The following CDHR4 variants were observed in gnomAD, a reference collection of about 807,000 sequenced individuals.
CDHR4 encodes cadherin-related family member 4.
In CDHR4, 89 loss-of-function variants were observed where a neutral mutation model predicts 88.4. That is an observed-to-expected ratio of 1.01 (90% confidence interval 0.85 to 1.20). CDHR4 has a LOEUF of 1.20. Ranked by LOEUF, CDHR4 falls within the 50% of genes most tolerant of loss-of-function variation. CDHR4 has a pLI of 0.00. For missense variants in CDHR4, 914 were observed against 1,007.2 expected (o/e 0.91, Z 1.25); for synonymous variants, 368 against 399.2 (o/e 0.92, Z 0.93).
upstream of CDHR4, among the ~76,000 whole-genome samples, chr3:49,802,283 C>T (rs915077961): frequency 6.6e-6 from 1 of 152,170 alleles, no homozygotes; most frequent in African/African-American, 2.4e-5. Flanking sequence ...ACGCCATTCT[C>T]CTGCCTCAGC....
At chr3:49,792,065 G>T in intron 15 of CDHR4, 106 bp from the exon 16 acceptor site, 1 of 1,111,368 alleles carries the variant, frequency 9.0e-7, no homozygotes, top group Non-Finnish European at 1.3e-6. Flanking sequence ...ACCAATGTCT[G>T]TATGCAGTGC....
intron 9 of CDHR4, 52 bp from the exon 10 acceptor site, chr3:49,794,753 G>T: frequency 1.3e-6 from 2 of 1,496,388 alleles, no homozygotes; most frequent in Non-Finnish European, 1.8e-6. Flanking sequence ...AGAGAGCCCT[G>T]AGCCACACGG....
chr3:49,798,964 C>T (rs1392430895), intron 3 of CDHR4, 30 bp downstream of exon 3: 1 of 1,610,922 alleles, frequency 6.2e-7, no homozygotes, highest in African/African-American at 1.3e-5. Context: ...CCATGCCTGC[C>T]CCCACCCTGC....
At position 49,791,757 on chromosome 3, in the gene CDHR4, G is replaced by A. The variant is rs1181131341; in HGVS notation, c.2240C>T (p.Pro747Leu). 1.1e-5 allele frequency: 17 copies of A among 1,551,528 alleles called. No individual in the cohort carries two copies. Among genetic ancestry groups the A allele is most frequent in the African/African-American group, 2.7e-5 (2 of 73,028 alleles). Residue 747 changes from proline (P) to leucine (L), a missense_variant, in exon 17 of 19, where the codon CCG (proline) becomes CTG (leucine). By Grantham distance (98) the Pro-to-Leu change is moderately conservative. Coordinates refer to ENST00000412678, the MANE Select transcript of CDHR4 (RefSeq NM_001007540.4). ...EGSIEGFLEA[P>L]KMEMSQAPSS... ...GGGTGCCTGGGACATCTCCATCTTC[G>A]GTGCCTCCAGGAAACCCTCGATGGA... is the stretch of plus-strand genomic sequence containing the variant.
rs1269993338 is a variant in CDHR4 at position 49,799,140 on chromosome 3, G to A, written c.257C>T (p.Ser86Phe). ...CACCATCAGGGCATCCAACTGAGCA[G>A]AGCTGCTCAAGGTCAACTGGGGTGG... ...TYVGKLTLSS[S>F]AQLDALMVNH... Residue 86 changes from serine (S) to phenylalanine (F), a missense_variant, in exon 3 of 19, where the codon TCT becomes TTT. Ser to Phe is a radical substitution (Grantham distance 155). Coordinates refer to ENST00000412678, the MANE Select transcript of CDHR4 (RefSeq NM_001007540.4). 2.5e-6 allele frequency: 4 copies of A among 1,578,194 alleles called. No homozygotes were observed. In the African/African-American group the frequency reaches 5.4e-5, roughly 21 times the overall value.
At position 49,795,217 on chromosome 3, in the gene CDHR4, C is replaced by T. The variant is rs777854933; in HGVS notation, c.1010G>A (p.Arg337His). 6.0e-5 allele frequency: 93 copies of T among 1,551,508 alleles called. No homozygotes were observed. In the Middle Eastern group the frequency reaches 6.7e-4, roughly 11 times the overall value. Residue 337 changes from arginine to histidine, a missense_variant, in exon 8 of 19, where the codon CGC becomes CAC. Coordinates refer to ENST00000412678, the MANE Select transcript of CDHR4 (RefSeq NM_001007540.4). The surrounding 1 kb of genome is among the most constrained non-coding windows in gnomAD (Gnocchi z 5.4). ...TCACACCAGAAGCGCTGGGAGGCAG[C>T]GTGGAGGCCAGAGGTTGACCAGCTG... ...NVQLVNLWPP[R>H]CLPALLVSQI...
chr3:49,795,836 G>C lies in CDHR4; in HGVS notation c.711-72C>G. On this transcript the variant is annotated intron_variant, in intron 6 of 18. Transcript: ENST00000412678. The surrounding 1 kb of genome is among the most constrained non-coding windows in gnomAD (Gnocchi z 5.4). Reference sequence around the variant, plus strand: ...TGTGGGTCCACAGCTTCCTTCCCTGGGCCCCCTCCTGTCAGGGCTGGGACT... The same window carrying C: ...TGTGGGTCCACAGCTTCCTTCCCTGCGCCCCCTCCTGTCAGGGCTGGGACT... The C allele has an allele frequency of 6.5e-7, 1 of 1,537,278 alleles. No individual in the cohort carries two copies. Among genetic ancestry groups the C allele is most frequent in the Non-Finnish European group, 8.8e-7 (1 of 1,138,206 alleles).
At chr3:49,791,296 G>A in intron 18 of CDHR4, 145 bp downstream of exon 18, 1 of 868,914 alleles carries the variant, frequency 1.2e-6, no homozygotes, top group East Asian at 2.7e-5. Flanking sequence ...GCGGGGATGA[G>A]AGCAGACCCC....
At chr3:49,799,674 C>T in intron 1 of CDHR4, 90 bp downstream of exon 1, 1 of 1,415,164 alleles carries the variant, frequency 7.1e-7, no homozygotes, top group Non-Finnish European at 9.9e-7. Flanking sequence ...TCCTACCTCT[C>T]CCCCAATCCC....
chr3:49,791,447 C>T lies in CDHR4; in HGVS notation c.2305G>A (p.Asp769Asn), dbSNP rs1020309463. The T allele has an allele frequency of 9.7e-6, 15 of 1,546,620 alleles. No homozygotes were observed. Among genetic ancestry groups the T allele is most frequent in the Admixed American group, 2.0e-5 (1 of 49,646 alleles). Residue 769 changes from aspartate to asparagine, a missense_variant, in exon 18 of 19, where the codon GAC becomes AAC. By Grantham distance (23) the Asp-to-Asn change is conservative (BLOSUM62 1). Coordinates refer to ENST00000412678, the MANE Select transcript of CDHR4 (RefSeq NM_001007540.4). ...MSLHFDGRAQ[D>N]SRTGRDYLFN... Reference sequence around the variant, plus strand: ...TAGGAAGAGGGGGACTCACGGGAGTCCTGTGCTCTGCCATCAAAATGCTGC... The same window carrying T: ...TAGGAAGAGGGGGACTCACGGGAGTTCTGTGCTCTGCCATCAAAATGCTGC...
In CDHR4 at chr3:49,793,282, C is replaced by T. The variant is rs1559724303; in HGVS notation, c.1653G>A (p.Glu551=). ...EDVNDHAPEC[E]PPFQELTIYA... ...AGATGGTGAGTTCCTGAAATGGGGGCTCACACTCGGGGGCATGGTCATTCA... is the reference window on the plus strand; with the variant it reads ...AGATGGTGAGTTCCTGAAATGGGGGTTCACACTCGGGGGCATGGTCATTCA... Residue 551 remains glutamate, a synonymous_variant, in exon 13 of 19, where the codon GAG becomes GAA. Coordinates refer to ENST00000412678, the MANE Select transcript of CDHR4 (RefSeq NM_001007540.4). 6.4e-7 allele frequency: 1 copy of T among 1,551,482 alleles called. No individual in the cohort carries two copies. The highest frequency in any genetic ancestry group is 8.7e-7 in the Non-Finnish European group (1 of 1,146,992).
upstream of CDHR4, among the ~76,000 whole-genome samples, chr3:49,800,936 C>T (rs1055104507): frequency 1.8e-4 from 28 of 151,380 alleles, no homozygotes; most frequent in Non-Finnish European, 3.7e-4. Flanking sequence ...CCTGTAGTCC[C>T]AGTTACTTGA....
Position 49,795,201 on chromosome 3 carries a change from A to T in CDHR4, c.1026T>A (p.Leu342=). Residue 342 remains leucine (L), a synonymous_variant, in exon 8 of 19, where the codon CTT becomes CTA. Transcript: ENST00000412678. The surrounding 1 kb of genome is among the most constrained non-coding windows in gnomAD (Gnocchi z 5.4). The part of the protein sequence containing the change: ...NLWPPRCLPA[L]LVSQIPETAP... ...TATGGTTCCCGGGTACTCACACCAG[A>T]AGCGCTGGGAGGCAGCGTGGAGGCC... The T allele has an allele frequency of 1.3e-6, 2 of 1,551,672 alleles. No individual in the cohort carries two copies. The highest frequency in any genetic ancestry group is 4.9e-5 in the East Asian group (2 of 40,930).
intron 15 of CDHR4, among the ~76,000 whole-genome samples, 179 bp from the exon 16 acceptor site, chr3:49,792,138 A>G (rs1030041902): frequency 1.3e-5 from 2 of 152,166 alleles, no homozygotes; most frequent in Non-Finnish European, 2.9e-5. Context: ...TTCAGAGTCT[A>G]CAGGAGCAGG....
In CDHR4 at chr3:49,799,771, C is replaced by G. The variant is rs1269903301; in HGVS notation, c.42G>C (p.Val14=). The change falls in exon 1 of 19, where the codon GTG becomes GTC. Residue 14 remains valine, a synonymous_variant. Transcript: ENST00000412678. The part of the protein sequence containing the change: ...LRLLVFLFAP[V]VSDLCSLPCF... ...CACCCACCACCTCCTCACCAGAGAC[C>G]ACCGGAGCAAAGAGGAACACGAGGA... 35 of 1,613,944 alleles carry G rather than the reference C, an allele frequency of 2.2e-5. No homozygotes were observed. The highest frequency in any genetic ancestry group is 2.5e-5 in the Non-Finnish European group (30 of 1,179,852).
intron 4 of CDHR4, among the ~76,000 whole-genome samples, chr3:49,797,439 C>A (rs151242851): frequency 6.6e-5 from 10 of 151,388 alleles, no homozygotes; most frequent in African/African-American, 2.2e-4. Context: ...CCACCACACC[C>A]GGCTAATTTC....
rs1395714773 is a variant in CDHR4 at position 49,791,806 on chromosome 3, G to A, written c.2196-5C>T. 1 of 1,551,678 alleles carries A rather than the reference G, an allele frequency of 6.4e-7. No individual in the cohort carries two copies. Among genetic ancestry groups the A allele is most frequent in the Admixed American group, 2.0e-5 (1 of 50,998 alleles). On this transcript the variant is annotated splice_polypyrimidine_tract_variant and splice_region_variant and intron_variant, in intron 16 of 18. Coordinates refer to ENST00000412678, the MANE Select transcript of CDHR4 (RefSeq NM_001007540.4). Reference sequence around the variant, plus strand: ...GATCCCTCAGTTCCCTGGATGCTGGGGCAAAGTACGAGCAAGAGTACAGGG... The same window carrying A: ...GATCCCTCAGTTCCCTGGATGCTGGAGCAAAGTACGAGCAAGAGTACAGGG...
chr3:49,793,960 G>A lies in CDHR4; in HGVS notation c.1326C>T (p.Ser442=). 6.4e-7 allele frequency: 1 copy of A among 1,551,754 alleles called. No individual in the cohort carries two copies. The highest frequency in any genetic ancestry group is 8.7e-7 in the Non-Finnish European group (1 of 1,147,002). ...GGAACGTGCGAGGGGCACAGGCTGG[G>A]GAGAACTCGTTGATGGGTGTCACCA... ...LVMVTPINEF[S]PACAPRTFRV... The change falls in exon 11 of 19, where the codon TCC becomes TCT. Residue 442 remains serine, a synonymous_variant. Coordinates refer to ENST00000412678, the MANE Select transcript of CDHR4 (RefSeq NM_001007540.4).
At chr3:49,794,803 G>C in intron 9 of CDHR4, 102 bp from the exon 10 acceptor site, 1 of 1,424,946 alleles carries the variant, frequency 7.0e-7, no homozygotes, top group Non-Finnish European at 9.5e-7. Flanking sequence ...ATCTTGCCTG[G>C]ATCCTGTTTT....
Sources: gnomAD v4.1 joint callset for allele counts (sites outside exome capture counted in the v4.1 genomes callset) on GRCh38, gnomAD v4.1.1 for gene constraint, Gnocchi (gnomAD v3.1) non-coding constraint, MANE v1.5 for transcripts, NCBI Gene and HGNC (gene_info 2026-07-23, HGNC 2026-07-21) for gene names.